The following IGSF10 variants were observed in gnomAD, a reference collection of about 807,000 sequenced individuals.
The protein encoded by IGSF10 is immunoglobulin superfamily member 10, also known as calvaria mechanical force protein 608.
A neutral mutation model predicts 128.2 loss-of-function variants in IGSF10; 126 were observed. The ratio of observed to expected loss-of-function variants is 0.98; its 90% CI spans 0.85 to 1.14. The LOEUF (loss-of-function observed/expected upper bound fraction) is 1.14. Among genes scored for constraint, IGSF10 ranks in the 50% most tolerant of loss-of-function variants. The pLI is 0.00. For missense variants in IGSF10, 3,295 were observed against 3,149.8 expected, an observed-to-expected ratio of 1.05 and a Z score of -1.10; for synonymous variants, 1,185 against 1,146.2, an observed-to-expected ratio of 1.03 and a Z score of -0.68.
At chr3:151,450,895 CAAAAAAAAAAAA>C (rs35070766) in intron 5 of IGSF10, among the ~76,000 whole-genome samples, 2 of 55,424 alleles carry the variant, frequency 3.6e-5, no homozygotes, top group Non-Finnish European at 6.2e-5. Flanking sequence ...AACTCTGTCT[CAAAAAAAAAAAA>C]AAAAAAAAAA....
Position 151,447,566 on chromosome 3 carries a change from T to C in IGSF10, c.2415A>G (p.Glu805=). 6.2e-7 allele frequency: 1 copy of C among 1,614,168 alleles called. No homozygotes were observed. The highest frequency in any genetic ancestry group is 8.5e-7 in the Non-Finnish European group (1 of 1,180,020). The change falls in exon 6 of 8, where the codon GAA becomes GAG. Residue 805 remains glutamate, a synonymous_variant. Transcript: ENST00000282466. The part of the protein sequence containing the change: ...DSSGMLALHE[E]FMVPATKALN... The stretch of plus-strand genomic sequence containing the variant: ...AAGCTTTAGTGGCCGGGACCATAAA[T>C]TCCTCATGTAGAGCGAGCATGCCTG...
chr3:151,579,909 A>T, the IGSF10 span, among the ~76,000 whole-genome samples: 1 of 151,940 alleles, frequency 6.6e-6, no homozygotes, highest in Non-Finnish European at 1.5e-5. Context: ...GAAGGAAGGA[A>T]GGAAGGAAGG....
chr3:151,544,200 C>T, the IGSF10 span, among the ~76,000 whole-genome samples: 1 of 152,230 alleles, frequency 6.6e-6, no homozygotes, highest in Non-Finnish European at 1.5e-5. Flanking sequence ...TGAGCCACCA[C>T]ACCTGGCCTG....
rs1294778595 is a variant in IGSF10 at position 151,448,847 on chromosome 3, C to G, written c.1134G>C (p.Leu378Phe). 6.2e-7 allele frequency: 1 copy of G among 1,613,868 alleles called. No individual in the cohort carries two copies. The highest frequency in any genetic ancestry group is 8.5e-7 in the Non-Finnish European group (1 of 1,179,776). ...YGHIQPVWQILALYSDSPLIL... is the reference protein window; with the variant it reads ...YGHIQPVWQIFALYSDSPLIL... The stretch of plus-strand genomic sequence containing the variant: ...TCAGAGGAGAATCACTGTACAAAGC[C>G]AAAATTTGCCACACTGGCTGAATGT... The change falls in exon 6 of 8, where the codon TTG becomes TTC. Residue 378 changes from leucine to phenylalanine, a missense_variant. Transcript: ENST00000282466.
At chr3:151,529,232 T>C in the IGSF10 span, among the ~76,000 whole-genome samples, 1 of 152,072 alleles carries the variant, frequency 6.6e-6, no homozygotes, top group African/African-American at 2.4e-5. Context: ...AAAACTCCCA[T>C]CTCCCTGGGA....
the IGSF10 span, among the ~76,000 whole-genome samples, chr3:151,514,107 A>T: frequency 2.6e-5 from 4 of 152,210 alleles, no homozygotes; most frequent in Admixed American, 6.5e-5. Context: ...TCTTCACAGA[A>T]TTGGAAAAAA....
At chr3:151,530,520 C>T in the IGSF10 span, among the ~76,000 whole-genome samples, 8 of 152,142 alleles carry the variant, frequency 5.3e-5, no homozygotes, top group Admixed American at 5.2e-4. Flanking sequence ...TTGGCAGAAA[C>T]CCTACAAGCC....
the IGSF10 span, among the ~76,000 whole-genome samples, chr3:151,506,306 T>C: frequency 6.6e-6 from 1 of 152,124 alleles, no homozygotes; most frequent in African/African-American, 2.4e-5. Context: ...CATACAATGC[T>C]TTCTTGGCCC....
At chr3:151,617,293 T>TTCC in the IGSF10 span, among the ~76,000 whole-genome samples, 1 of 128,964 alleles carries the variant, frequency 7.8e-6, no homozygotes, top group Non-Finnish European at 1.6e-5. Flanking sequence ...CTTCTTCTTC[T>TTCC]TCTTCTTCTT....
Position 151,445,055 on chromosome 3 carries a change from C to T in IGSF10, c.4926G>A (p.Arg1642=). 8.7e-6 allele frequency: 14 copies of T among 1,614,184 alleles called. No homozygotes were observed. Among genetic ancestry groups the T allele is most frequent in the Non-Finnish European group, 1.2e-5 (14 of 1,180,042 alleles). ...CTATCCTGGGCTTTTCAAATATATACCTAGACAAAGAGTCAAAGGGAAGGA... is the reference window on the plus strand; with the variant it reads ...CTATCCTGGGCTTTTCAAATATATATCTAGACAAAGAGTCAAAGGGAAGGA... ...SKLLPFDSLS[R]YIFEKPRIVG... The change falls in exon 6 of 8, where the codon AGG becomes AGA. Residue 1642 remains arginine, a synonymous_variant. Transcript: ENST00000282466.
chr3:151,434,032 A>G (rs777477656), downstream of IGSF10: 3 of 152,634 alleles, frequency 2.0e-5, no homozygotes, highest in Non-Finnish European at 4.4e-5. Flanking sequence ...AGTATTCTAT[A>G]TAATATTTTT....
chr3:151,567,876 A>G, the IGSF10 span, among the ~76,000 whole-genome samples: 75,054 of 152,000 alleles, frequency 0.49, 18,701 homozygotes, highest in South Asian at 0.59. Flanking sequence ...GGCTTCCACA[A>G]GCGACTTCCC....
At chr3:151,496,995 T>C in the IGSF10 span, among the ~76,000 whole-genome samples, 1 of 152,216 alleles carries the variant, frequency 6.6e-6, no homozygotes, top group Non-Finnish European at 1.5e-5. Context: ...AAGTGTCTGT[T>C]CATATCCTTC....
At chr3:151,485,634 G>A in the IGSF10 span, among the ~76,000 whole-genome samples, 2 of 152,148 alleles carry the variant, frequency 1.3e-5, no homozygotes, top group Non-Finnish European at 2.9e-5. Flanking sequence ...AGAAGAGAGT[G>A]GGGGCCAATA....
At chr3:151,593,207 T>C in the IGSF10 span, among the ~76,000 whole-genome samples, 8 of 152,020 alleles carry the variant, frequency 5.3e-5, no homozygotes, top group Non-Finnish European at 1.2e-4. Flanking sequence ...GATAGCTCAC[T>C]GCAGCCTTGA....
the IGSF10 span, among the ~76,000 whole-genome samples, chr3:151,511,798 A>AT: frequency 6.6e-6 from 1 of 152,216 alleles, no homozygotes; most frequent in Admixed American, 6.5e-5. Context: ...AACAAAAAAA[A>AT]GGAGAAGTTG....
At chr3:151,499,212 CA>C in the IGSF10 span, among the ~76,000 whole-genome samples, 2 of 152,168 alleles carry the variant, frequency 1.3e-5, no homozygotes, top group East Asian at 3.9e-4. Flanking sequence ...ATACCCTGAA[CA>C]ATTCCTTTAT....
the IGSF10 span, among the ~76,000 whole-genome samples, chr3:151,490,724 A>G: frequency 1.3e-5 from 2 of 152,156 alleles, no homozygotes; most frequent in Admixed American, 6.5e-5. Flanking sequence ...AACAAGAAGA[A>G]TCTTGGAAAA....
the IGSF10 span, among the ~76,000 whole-genome samples, chr3:151,505,738 T>C: frequency 3.3e-5 from 5 of 152,174 alleles, no homozygotes; most frequent in Admixed American, 2.6e-4. Flanking sequence ...TGCCTATTAA[T>C]ATGCAGAAGT....
Sources: gnomAD v4.1 joint callset for allele counts (sites outside exome capture counted in the v4.1 genomes callset) on GRCh38, gnomAD v4.1.1 for gene constraint, MANE v1.5 for transcripts, NCBI Gene and HGNC (gene_info 2026-07-23, HGNC 2026-07-21) for gene names.